The following AKT1 variants were observed in gnomAD, a reference collection of about 807,000 sequenced individuals.
The protein encoded by AKT1 is AKT serine/threonine kinase 1.
In AKT1, 21 loss-of-function variants were observed where a neutral mutation model predicts 63.1. That is an observed-to-expected ratio of 0.33 (90% CI 0.24 to 0.48). AKT1 has a LOEUF of 0.48. Ranked by LOEUF, AKT1 falls within the 20% of genes least tolerant of loss-of-function variation. The pLI is 0.99. For missense variants in AKT1, 382 were observed against 666.0 expected (o/e 0.57, Z 4.69); for synonymous variants, 257 against 253.1 (o/e 1.02, Z -0.15).
chr14:104,784,171 TTCTC>T (rs1317453665), intron 3 of AKT1, among the ~76,000 whole-genome samples: 1 of 152,100 alleles, frequency 6.6e-6, no homozygotes, highest in African/African-American at 2.4e-5. Context: ...CCCTTCAGGG[TTCTC>T]TCAAGGCCAG....
chr14:104,774,136 C>T (rs1892568245), intron 8 of AKT1, 156 bp from the exon 9 acceptor site: 2 of 683,582 alleles, frequency 2.9e-6, no homozygotes, highest in Non-Finnish European at 5.2e-6. Context: ...CCTGATACCA[C>T]ACCGCCCGAT....
chr14:104,782,070 C>G (rs1041114038), intron 3 of AKT1, among the ~76,000 whole-genome samples: 3 of 152,062 alleles, frequency 2.0e-5, no homozygotes, highest in African/African-American at 7.2e-5. Context: ...CAGCTCCACC[C>G]CGCCTCCCAC....
intron 3 of AKT1, among the ~76,000 whole-genome samples, chr14:104,782,919 G>A (rs1401043304): frequency 1.3e-5 from 2 of 152,136 alleles, no homozygotes; most frequent in East Asian, 3.9e-4. Context: ...CAGGGCCGTG[G>A]CGCGCATCTT....
chr14:104,770,841 G>A lies in AKT1; in HGVS notation c.1267C>T (p.Pro423Ser). The A allele has an allele frequency of 6.2e-7, 1 of 1,614,012 alleles. No individual in the cohort carries two copies. Among genetic ancestry groups the A allele is most frequent in the Non-Finnish European group, 8.5e-7 (1 of 1,179,948 alleles). ...WQHVYEKKLS[P>S]PFKPQVTSET... Reference sequence around the variant, plus strand: ...GACGTGACCTGGGGCTTGAAGGGTGGGCTGAGCTGCAGAGGTGGGCAGACG... The same window carrying A: ...GACGTGACCTGGGGCTTGAAGGGTGAGCTGAGCTGCAGAGGTGGGCAGACG... The change falls in exon 14 of 15, where the codon CCA becomes TCA. Residue 423 changes from proline (P) to serine (S), a missense_variant. Physicochemically the swap from Pro to Ser is moderately conservative, Grantham distance 74 (BLOSUM62 -1). Around this residue, in one of 3 missense-constraint regions of AKT1, gnomAD observed 90 missense variants for 120.5 expected, o/e 0.75. Coordinates refer to ENST00000649815, the MANE Select transcript of AKT1 (RefSeq NM_001382430.1).
chr14:104,770,307 T>C lies in AKT1; in HGVS notation c.*34A>G, dbSNP rs1892303933. On this transcript the variant is annotated 3_prime_UTR_variant, in exon 15 of 15. Coordinates refer to ENST00000649815, the MANE Select transcript of AKT1 (RefSeq NM_001382430.1). ...TGGCACGAGGCCGCCTCTCCATCCC[T>C]CCAAGCTATCGTCCAGCGCAGTCCA... is the stretch of plus-strand genomic sequence containing the variant. The C allele has an allele frequency of 2.5e-6, 4 of 1,592,302 alleles. No homozygotes were observed. Among genetic ancestry groups the C allele is most frequent in the Non-Finnish European group, 3.4e-6 (4 of 1,172,212 alleles).
Position 104,775,564 on chromosome 14 carries a change from C to G in AKT1, c.435+88G>C, listed in dbSNP as rs1892651894. 2.0e-6 allele frequency: 3 copies of G among 1,530,844 alleles called. No homozygotes were observed. The African/African-American group carries it at 4.1e-5, about 21-fold the overall frequency. 94.8% of individuals were successfully genotyped at this position (1,530,844 alleles called of 1,614,324 possible). On this transcript the variant is annotated intron_variant, in intron 6 of 14. Coordinates refer to ENST00000649815, the MANE Select transcript of AKT1 (RefSeq NM_001382430.1). ...GATGCCGTGGAGTGCTGAGTGTCTC[C>G]TGGGCCGAGCTGGGACCCCATGACC... is the stretch of plus-strand genomic sequence containing the variant.
rs762849643 is a variant in AKT1 at position 104,770,398 on chromosome 14, G to A, written c.1386C>T (p.Asp462=). ...PDQDDSMECV[D]SERRPHFPQF... ...GGGGGAAGTGGGGCCTGCGCTCGCT[G>A]TCCACACACTCCATGCTGTCATCTG... Residue 462 remains aspartate, a synonymous_variant, in exon 15 of 15, where the codon GAC becomes GAT. Coordinates refer to ENST00000649815, the MANE Select transcript of AKT1 (RefSeq NM_001382430.1). 9.3e-6 allele frequency: 15 copies of A among 1,612,306 alleles called. No individual in the cohort carries two copies. In the South Asian group the frequency reaches 1.7e-4, roughly 18 times the overall value.
chr14:104,795,455 C>A lies in AKT1; in HGVS notation c.-258+29G>T, dbSNP rs1893844068. 2 of 146,972 alleles carry A rather than the reference C, an allele frequency of 1.4e-5. No individual in the cohort carries two copies. Among genetic ancestry groups the A allele is most frequent in the Admixed American group, 6.7e-5 (1 of 14,828 alleles). The allele number at this position is 146,972 out of a possible 1,614,324, so 9.1% of individuals were successfully genotyped here. A position where few individuals can be genotyped will look rare whatever the true frequency, so the allele number is the denominator to read the frequency against. On this transcript the variant is annotated intron_variant, in intron 1 of 14. Transcript: ENST00000649815. This position sits in a 1 kb window ranked among gnomAD's most constrained non-coding sequence, Gnocchi z 5.1. Reference sequence around the variant, plus strand: ...CGGCCCGCGGGGAGGAAATCCAGGCCCGGGCGGCCACGGCGGGCGGGGACT... The same window carrying A: ...CGGCCCGCGGGGAGGAAATCCAGGCACGGGCGGCCACGGCGGGCGGGGACT...
intron 3 of AKT1, among the ~76,000 whole-genome samples, chr14:104,788,373 G>A (rs1235974082): frequency 6.6e-6 from 1 of 152,180 alleles, no homozygotes; most frequent in African/African-American, 2.4e-5. Context: ...GGGGTAATGA[G>A]CAGCCTCCAT....
intron 3 of AKT1, among the ~76,000 whole-genome samples, chr14:104,788,787 A>G (rs1483663759): frequency 6.6e-6 from 1 of 152,108 alleles, no homozygotes; most frequent in East Asian, 1.9e-4. Flanking sequence ...CCCCACCGGG[A>G]CGCCTGGGGC....
chr14:104,792,681 C>T lies in AKT1; in HGVS notation c.-38G>A. 6.2e-7 allele frequency: 1 copy of T among 1,604,878 alleles called. No homozygotes were observed. The highest frequency in any genetic ancestry group is 8.5e-7 in the Non-Finnish European group (1 of 1,179,400). Reference sequence around the variant, plus strand: ...TCCCGCGACGCTCACGCGCTCCTCTCAGGCTGGCGCTCCCCGAGCCCAGCT... The same window carrying T: ...TCCCGCGACGCTCACGCGCTCCTCTTAGGCTGGCGCTCCCCGAGCCCAGCT... On this transcript the variant is annotated 5_prime_UTR_variant, in exon 3 of 15. Transcript: ENST00000649815.
intron 13 of AKT1, 195 bp from the exon 14 acceptor site, chr14:104,771,042 C>G: frequency 1.7e-6 from 1 of 589,508 alleles, no homozygotes. Context: ...TGCAGGAGCA[C>G]GGAGACAACC....
rs750985247 is a variant in AKT1 at position 104,775,644 on chromosome 14, G to A, written c.435+8C>T. 6.2e-7 allele frequency: 1 copy of A among 1,613,656 alleles called. No homozygotes were observed. On this transcript the variant is annotated splice_region_variant and intron_variant, in intron 6 of 14. Coordinates refer to ENST00000649815, the MANE Select transcript of AKT1 (RefSeq NM_001382430.1). ...CCAGGCACAGGCAGAAGTGGGGACAGGCCTCACCACGCGGTGCTTGGGCTT... is the reference window on the plus strand; with the variant it reads ...CCAGGCACAGGCAGAAGTGGGGACAAGCCTCACCACGCGGTGCTTGGGCTT...
intron 5 of AKT1, 37 bp downstream of exon 5, chr14:104,776,622 G>A (rs766835930): frequency 6.3e-7 from 1 of 1,587,254 alleles, no homozygotes; most frequent in South Asian, 1.1e-5. Flanking sequence ...CGCTGGGGCT[G>A]CCCAAGTGCC....
chr14:104,775,930 G>T (rs921398211), intron 5 of AKT1, 131 bp from the exon 6 acceptor site: 10 of 1,118,106 alleles, frequency 8.9e-6, no homozygotes, highest in Middle Eastern at 2.1e-4. Flanking sequence ...CCCTGAGGAG[G>T]CCACCACTTG....
At chr14:104,783,453 G>C (rs1893172126) in intron 3 of AKT1, among the ~76,000 whole-genome samples, 2 of 152,064 alleles carry the variant, frequency 1.3e-5, no homozygotes, top group Non-Finnish European at 2.9e-5. Context: ...ACCCGCCACA[G>C]AGGGGCCTTC....
At chr14:104,774,124 TGCCTGATACCACACC>T in intron 8 of AKT1, 144 bp from the exon 9 acceptor site, 11 of 719,376 alleles carry the variant, frequency 1.5e-5, no homozygotes, top group Admixed American at 1.1e-4. Flanking sequence ...GACACCACGC[TGCCTGATACCACACC>T]GCCCGATACC....
chr14:104,772,308 TGA>T, intron 13 of AKT1, 55 bp downstream of exon 13: 2 of 1,573,254 alleles, frequency 1.3e-6, no homozygotes, highest in South Asian at 2.2e-5. Flanking sequence ...CGTGCATGCG[TGA>T]GTGTGGATAT....
chr14:104,785,209 C>T (rs1893271100), intron 3 of AKT1, among the ~76,000 whole-genome samples: 2 of 152,198 alleles, frequency 1.3e-5, no homozygotes, highest in African/African-American at 4.8e-5. Flanking sequence ...CGCAACCCAC[C>T]CTCCCCGCCT....
Sources: allele counts gnomAD v4.1 joint callset (sites outside exome capture counted in the v4.1 genomes callset), GRCh38; gene constraint gnomAD v4.1.1; regional missense constraint gnomAD v4.1.1; non-coding constraint Gnocchi (gnomAD v3.1); transcripts MANE v1.5; gene names NCBI Gene and HGNC (gene_info 2026-07-23, HGNC 2026-07-21).